Variants in C12orf56 observed in about 807,000 individuals in gnomAD.
C12orf56 encodes the protein uncharacterized protein C12orf56.
Under a neutral mutation model 69.9 loss-of-function variants are expected in C12orf56, and 71 were observed. The observed-to-expected ratio is 1.02, with a 90% CI of 0.84 to 1.24. The LOEUF is 1.24. Ranked by LOEUF, C12orf56 falls within the 50% of genes most tolerant of loss-of-function variation. The pLI, the probability that C12orf56 is intolerant of heterozygous loss-of-function variation, is 0.00. For synonymous variants in C12orf56, 276 were observed against 274.1 expected (o/e 1.01, Z -0.07); for missense variants, 732 against 738.5 (o/e 0.99, Z 0.10).
intron 1 of C12orf56, among the ~76,000 whole-genome samples, chr12:64,380,140 CAAACAAAAA>C (rs2039700615): frequency 3.2e-5 from 1 of 31,614 alleles, no homozygotes; most frequent in Non-Finnish European, 8.5e-5. Context: ...AAAAACAAAA[CAAACAAAAA>C]AAAACGCACA....
At chr12:64,344,679 C>T (rs1456681046) in intron 2 of C12orf56, among the ~76,000 whole-genome samples, 4 of 152,168 alleles carry the variant, frequency 2.6e-5, no homozygotes, top group Admixed American at 2.6e-4. Flanking sequence ...AATTACAGGG[C>T]TCTTCAAAGA....
chr12:64,310,793 T>C (rs2038598290), intron 5 of C12orf56, among the ~76,000 whole-genome samples: 1 of 152,158 alleles, frequency 6.6e-6, no homozygotes, highest in South Asian at 2.1e-4. Context: ...TATGTATACA[T>C]GTGCCATGTT....
intron 4 of C12orf56, among the ~76,000 whole-genome samples, chr12:64,316,116 T>A (rs554511891): frequency 2.8e-4 from 43 of 152,090 alleles, no homozygotes; most frequent in South Asian, 1.5e-3. Context: ...TTTTATATAT[T>A]TTTTTTCAGA....
intron 6 of C12orf56, among the ~76,000 whole-genome samples, chr12:64,300,668 G>T (rs2038431843): frequency 6.6e-6 from 1 of 152,102 alleles, no homozygotes. Context: ...TAAACAAGCA[G>T]ATCTTCCTGG....
Position 64,275,331 on chromosome 12 carries a change from T to A in C12orf56, c.1476A>T (p.Ala492=). 6.9e-7 allele frequency: 1 copy of A among 1,443,790 alleles called. No homozygotes were observed. Among genetic ancestry groups the A allele is most frequent in the Non-Finnish European group, 9.2e-7 (1 of 1,085,256 alleles). 89.4% of individuals were successfully genotyped at this position (1,443,790 alleles called of 1,614,324 possible). A position where few individuals can be genotyped will look rare whatever the true frequency, so the allele number is the denominator to read the frequency against. Residue 492 remains alanine (A), a synonymous_variant, in exon 10 of 13, where the codon GCA becomes GCT. Coordinates refer to ENST00000543942, the MANE Select transcript of C12orf56 (RefSeq NM_001170633.2). ...AGACCAGAAGTATCTCATATAAAAG[T>A]GCTGTAGCAGTATTTGTATACTCCA... ...LILEYTNTAT[A]LLYEILLVFQ...
Position 64,390,656 on chromosome 12 carries a change from A to G in C12orf56, c.-91T>C. The G allele has an allele frequency of 7.3e-7, 1 of 1,367,100 alleles. No homozygotes were observed. Among genetic ancestry groups the G allele is most frequent in the Non-Finnish European group, 9.4e-7 (1 of 1,067,080 alleles). 84.7% of individuals were successfully genotyped at this position (1,367,100 alleles called of 1,614,324 possible). On this transcript the variant is annotated 5_prime_UTR_variant, in exon 1 of 13. Transcript: ENST00000543942. ...CCGCGCTGGAACCCGCGCGCCACAA[A>G]GCCGCCGGCCACGCGTCGCCTCCTC...
chr12:64,321,604 G>A (rs1028688760), intron 3 of C12orf56, among the ~76,000 whole-genome samples: 2 of 152,146 alleles, frequency 1.3e-5, no homozygotes, highest in Non-Finnish European at 2.9e-5. Context: ...AAAGTGCTGG[G>A]ATTACAGGTG....
chr12:64,337,421 A>G (rs1395715375), intron 2 of C12orf56, among the ~76,000 whole-genome samples: 1 of 152,202 alleles, frequency 6.6e-6, no homozygotes, highest in East Asian at 1.9e-4. Flanking sequence ...CCAACCAGCT[A>G]TAAATCAGGA....
chr12:64,353,078 C>G, intron 1 of C12orf56, 22 bp from the exon 2 acceptor site: 1 of 1,607,194 alleles, frequency 6.2e-7, no homozygotes, highest in Non-Finnish European at 8.5e-7. Context: ...ATTAATTCAC[C>G]TCATTGAAGA....
chr12:64,339,404 T>C (rs1441485221), intron 2 of C12orf56, among the ~76,000 whole-genome samples: 2 of 152,096 alleles, frequency 1.3e-5, no homozygotes, highest in Non-Finnish European at 2.9e-5. Context: ...TATTCAGGAA[T>C]AGCCAAGTGG....
At chr12:64,315,926 C>G (rs1253540895) in intron 4 of C12orf56, among the ~76,000 whole-genome samples, 1 of 140,328 alleles carries the variant, frequency 7.1e-6, no homozygotes, top group Non-Finnish European at 1.5e-5. Context: ...AGTGAAACTC[C>G]ACCTCAAAAA....
At chr12:64,283,043 G>A (rs901708188) in intron 8 of C12orf56, among the ~76,000 whole-genome samples, 3 of 151,996 alleles carry the variant, frequency 2.0e-5, no homozygotes, top group African/African-American at 7.2e-5. Flanking sequence ...TTGGGAGGCT[G>A]AGGCAGGAGA....
intron 6 of C12orf56, among the ~76,000 whole-genome samples, chr12:64,300,336 T>C (rs971475975): frequency 2.6e-5 from 4 of 152,010 alleles, no homozygotes; most frequent in Admixed American, 2.6e-4. Context: ...CTCTCCATTC[T>C]TTTTTTGTTC....
At chr12:64,308,178 C>T (rs779393291) in intron 5 of C12orf56, among the ~76,000 whole-genome samples, 1 of 151,942 alleles carries the variant, frequency 6.6e-6, no homozygotes, top group Non-Finnish European at 1.5e-5. Flanking sequence ...CAAAATTAGC[C>T]AGGCATGCTG....
intron 1 of C12orf56, among the ~76,000 whole-genome samples, chr12:64,357,906 A>G (rs1317262523): frequency 1.4e-5 from 2 of 146,860 alleles, no homozygotes; most frequent in Non-Finnish European, 3.0e-5. Context: ...TCTCAAAAAA[A>G]AAGAAAAAGA....
intron 1 of C12orf56, among the ~76,000 whole-genome samples, chr12:64,370,603 A>G (rs1228251395): frequency 6.6e-6 from 1 of 152,104 alleles, no homozygotes; most frequent in Non-Finnish European, 1.5e-5. Flanking sequence ...GTGAGCTGAA[A>G]TTGTGCCACT....
At chr12:64,308,574 G>C (rs538080133) in intron 5 of C12orf56, among the ~76,000 whole-genome samples, 17 of 151,194 alleles carry the variant, frequency 1.1e-4, no homozygotes, top group African/African-American at 4.1e-4. Flanking sequence ...GCTGGGCGGT[G>C]GCTCATGTCT....
chr12:64,380,132 A>C (rs1394659754), intron 1 of C12orf56, among the ~76,000 whole-genome samples: 1 of 48,596 alleles, frequency 2.1e-5, no homozygotes, highest in Admixed American at 2.2e-4. Flanking sequence ...AAAAAAAAAA[A>C]AACAAAACAA....
intron 3 of C12orf56, among the ~76,000 whole-genome samples, chr12:64,329,449 A>G (rs1278608616): frequency 6.6e-6 from 1 of 151,868 alleles, no homozygotes; most frequent in Non-Finnish European, 1.5e-5. Context: ...CCCTACTTCA[A>G]TCCATTTTAA....
Sources: gnomAD v4.1 joint callset for allele counts (sites outside exome capture counted in the v4.1 genomes callset) on GRCh38, gnomAD v4.1.1 for gene constraint, MANE v1.5 for transcripts, NCBI Gene and HGNC (gene_info 2026-07-23, HGNC 2026-07-21) for gene names.